MAST4: variants seen among roughly 807,000 people sequenced by gnomAD.
The protein encoded by MAST4 is microtubule-associated serine/threonine-protein kinase 4.
MAST4 carries 89 observed loss-of-function variants against 162.7 expected under a neutral mutation model. The ratio of observed to expected loss-of-function variants is 0.55; its 90% confidence interval spans 0.46 to 0.65. The LOEUF (loss-of-function observed/expected upper bound fraction) is 0.65. Among genes scored for constraint, MAST4 ranks in the 30% least tolerant of loss-of-function variants. MAST4 has a pLI of 0.00. For synonymous variants in MAST4, 1,479 were observed against 1,361.1 expected, an observed-to-expected ratio of 1.09 and a Z score of -1.91; for missense variants, 3,153 against 3,374.0, an observed-to-expected ratio of 0.93 and a Z score of 1.62.
chr5:67,067,637 G>A (rs933907671), intron 5 of MAST4, among the ~76,000 whole-genome samples: 3 of 152,144 alleles, frequency 2.0e-5, no homozygotes, highest in African/African-American at 7.2e-5. Context: ...GCAGTAGTCT[G>A]TGATATTTTC....
intron 4 of MAST4, chr5:67,001,536 T>A (rs572954995): frequency 6.6e-6 from 1 of 152,346 alleles, no homozygotes; most frequent in East Asian, 1.9e-4. Flanking sequence ...AGAGGCTTTC[T>A]CAAAATGCAG....
chr5:66,828,654 T>C, intron 3 of MAST4: 1 of 711,104 alleles, frequency 1.4e-6, no homozygotes, highest in South Asian at 1.9e-5. Context: ...CCCACCGAAC[T>C]GCAAGCATCC....
At chr5:66,942,771 A>G (rs1253525844) in intron 4 of MAST4, among the ~76,000 whole-genome samples, 3 of 152,164 alleles carry the variant, frequency 2.0e-5, no homozygotes, top group Non-Finnish European at 2.9e-5. Context: ...ATAGTATAAC[A>G]TAAGGATTAG....
intron 3 of MAST4, among the ~76,000 whole-genome samples, chr5:66,883,420 C>CTTTTT (rs1484230630): frequency 1.6e-5 from 2 of 125,514 alleles, no homozygotes. Flanking sequence ...TGTTCTGTCA[C>CTTTTT]TGTTTTTTTT....
rs376542118 is a variant in MAST4 at position 67,163,664 on chromosome 5, C to A, written c.4485C>A (p.Asp1495Glu). 1 of 1,608,182 alleles carries A rather than the reference C, an allele frequency of 6.2e-7. No homozygotes were observed. Among genetic ancestry groups the A allele is most frequent in the South Asian group, 1.1e-5 (1 of 90,288 alleles). Residue 1495 changes from aspartate (D) to glutamate (E), a missense_variant, in exon 29 of 29, where the codon GAC (aspartate) becomes GAA (glutamate). By Grantham distance (45) the Asp-to-Glu change is conservative (BLOSUM62 2). Coordinates refer to ENST00000403625, the MANE Select transcript of MAST4 (RefSeq NM_001164664.2). The surrounding 1 kb of genome is among the most constrained non-coding windows in gnomAD (Gnocchi z 7.0). ...PLQSLDENVC[D>E]VPPLSRARPV... is the part of the protein sequence containing the mutation. ...AGAGCCTGGATGAGAACGTGTGCGA[C>A]GTGCCGCCGCTCAGCCGCGCCCGGC...
chr5:67,063,005 T>C (rs1022862808), intron 5 of MAST4, among the ~76,000 whole-genome samples: 5 of 152,230 alleles, frequency 3.3e-5, no homozygotes, highest in African/African-American at 1.2e-4. Context: ...CTAATTTTAT[T>C]AAAACCTTTT....
At chr5:67,159,921 A>G (rs1772995325) in intron 26 of MAST4, among the ~76,000 whole-genome samples, 1 of 152,254 alleles carries the variant, frequency 6.6e-6, no homozygotes, top group Non-Finnish European at 1.5e-5. Context: ...TAAAAGTCTC[A>G]TTCGGTTTTG....
chr5:66,629,916 C>T (rs1744687765), intron 1 of MAST4, among the ~76,000 whole-genome samples: 1 of 152,060 alleles, frequency 6.6e-6, no homozygotes, highest in Admixed American at 6.6e-5. Context: ...GAAATATTTG[C>T]CTTAACTATT....
intron 1 of MAST4, among the ~76,000 whole-genome samples, chr5:66,642,965 A>G (rs1367579158): frequency 6.6e-6 from 1 of 152,198 alleles, no homozygotes; most frequent in Non-Finnish European, 1.5e-5. Flanking sequence ...CCATGAGTGT[A>G]AATTGAACCA....
intron 3 of MAST4, among the ~76,000 whole-genome samples, chr5:66,850,437 A>T (rs1040612026): frequency 6.6e-6 from 1 of 152,218 alleles, no homozygotes; most frequent in African/African-American, 2.4e-5. Context: ...CTGTGTGGCC[A>T]CATTGAACTA....
At chr5:66,658,866 T>G (rs1746719577) in intron 1 of MAST4, among the ~76,000 whole-genome samples, 1 of 151,816 alleles carries the variant, frequency 6.6e-6, no homozygotes, top group Admixed American at 6.6e-5. Context: ...TACAAAAAAT[T>G]AAAGAATTAG....
chr5:67,097,328 T>G (rs1764579009), intron 7 of MAST4, among the ~76,000 whole-genome samples: 1 of 152,170 alleles, frequency 6.6e-6, no homozygotes, highest in African/African-American at 2.4e-5. Context: ...TTGGCTCATT[T>G]AATCTTAGCA....
At chr5:67,070,250 A>C (rs1054972678) in intron 5 of MAST4, among the ~76,000 whole-genome samples, 4 of 152,200 alleles carry the variant, frequency 2.6e-5, no homozygotes, top group African/African-American at 9.6e-5. Context: ...GACTTTTAAC[A>C]TCAAGAGATG....
intron 3 of MAST4, among the ~76,000 whole-genome samples, chr5:66,856,704 G>A (rs1759710511): frequency 6.6e-6 from 1 of 152,182 alleles, no homozygotes; most frequent in South Asian, 2.1e-4. Flanking sequence ...GTCAAATACT[G>A]TGCATTTGCA....
Position 67,168,239 on chromosome 5 carries a change from T to G in MAST4, c.*1188T>G, listed in dbSNP as rs1011984902. 1 of 152,078 alleles carries G rather than the reference T, an allele frequency of 6.6e-6. No individual in the cohort carries two copies. The highest frequency in any genetic ancestry group is 1.5e-5 in the Non-Finnish European group (1 of 68,020). The allele number at this position is 152,078 out of a possible 1,614,324, so 9.4% of individuals were successfully genotyped here. On this transcript the variant is annotated 3_prime_UTR_variant, in exon 29 of 29. Coordinates refer to ENST00000403625, the MANE Select transcript of MAST4 (RefSeq NM_001164664.2). ...GGGGCCTTATGTTGTAGATGAAGCT[T>G]GCTGTTTTTAGCAAGTTCCTGGGTT...
chr5:67,145,051 C>A, intron 22 of MAST4, 93 bp from the exon 23 acceptor site: 1 of 1,152,462 alleles, frequency 8.7e-7, no homozygotes, highest in Non-Finnish European at 1.3e-6. Context: ...TTAGGCTTAT[C>A]CAAGTCCGAT....
chr5:66,886,091 G>T (rs77765477), intron 3 of MAST4, among the ~76,000 whole-genome samples: 3,169 of 152,270 alleles, frequency 0.021, 121 homozygotes, highest in African/African-American at 0.073. Flanking sequence ...ACTCACTTTG[G>T]CATGCAGACT....
chr5:67,113,313 CAAAAA>C (rs34018550), intron 11 of MAST4, among the ~76,000 whole-genome samples: 4 of 67,378 alleles, frequency 5.9e-5, no homozygotes, highest in Non-Finnish European at 7.5e-5. Context: ...GACTCCGTCT[CAAAAA>C]AAAAAAAAAA....
chr5:66,982,962 A>G (rs1330645015), intron 4 of MAST4, among the ~76,000 whole-genome samples: 1 of 152,248 alleles, frequency 6.6e-6, no homozygotes, highest in African/African-American at 2.4e-5. Flanking sequence ...ATAGATATCA[A>G]GGAATGCTGC....
Sources: gnomAD v4.1 joint callset for allele counts (sites outside exome capture counted in the v4.1 genomes callset) on GRCh38, gnomAD v4.1.1 for gene constraint, Gnocchi (gnomAD v3.1) non-coding constraint, MANE v1.5 for transcripts, NCBI Gene and HGNC (gene_info 2026-07-23, HGNC 2026-07-21) for gene names.